The following PCDHGA3 variants were observed in gnomAD, a reference collection of about 807,000 sequenced individuals.
The protein encoded by PCDHGA3 is protocadherin gamma-A3.
In PCDHGA3, 40 loss-of-function variants were observed where a neutral mutation model predicts 58.5. That is an observed-to-expected ratio of 0.68 (90% CI 0.53 to 0.89). PCDHGA3 has a LOEUF of 0.89. PCDHGA3 is among the 40% of genes least tolerant of loss of function. PCDHGA3 has a pLI of 0.00. For missense variants in PCDHGA3, 1,223 were observed against 1,195.9 expected, an observed-to-expected ratio of 1.02 and a Z score of -0.33; for synonymous variants, 530 against 525.7, an observed-to-expected ratio of 1.01 and a Z score of -0.11.
Position 141,346,398 on chromosome 5 carries a change from G to T in PCDHGA3, c.2365G>T (p.Glu789Ter). 1 of 1,614,242 alleles carries T rather than the reference G, an allele frequency of 6.2e-7. No individual in the cohort carries two copies. Among genetic ancestry groups the T allele is most frequent in the Non-Finnish European group, 8.5e-7 (1 of 1,180,046 alleles). Residue 789 changes from glutamate to a stop codon, truncating the protein, a stop_gained, in exon 1 of 4, where the codon GAG (glutamate) becomes TAG (stop). Coordinates refer to ENST00000253812, the MANE Select transcript of PCDHGA3 (RefSeq NM_018916.4). LOFTEE classifies it high-confidence loss of function. ...CAGCCAGGAGAGCTGTGAGAAAAGCGAGCCTCTTCTGATAACTCAGGATTT... is the reference window on the plus strand; with the variant it reads ...CAGCCAGGAGAGCTGTGAGAAAAGCTAGCCTCTTCTGATAACTCAGGATTT... ...LISQESCEKS[E>*]PLLITQDLLE... is the part of the protein sequence containing the mutation.
Position 141,427,844 on chromosome 5 carries a change from C to A in PCDHGA3, c.2425-66963C>A, listed in dbSNP as rs997069058. 6.5e-6 allele frequency: 10 copies of A among 1,550,194 alleles called. No homozygotes were observed. In the East Asian group the frequency reaches 2.2e-4, roughly 35 times the overall value. On this transcript the variant is annotated intron_variant, in intron 1 of 3. Transcript: ENST00000253812. ...TGGTCGCGCAGCGTGCCTTCGACCA[C>A]GAGCAGCTGTGCGCCTTCGAGCTCA...
At chr5:141,466,794 T>C (rs1487051313) in intron 1 of PCDHGA3, among the ~76,000 whole-genome samples, 2 of 152,226 alleles carry the variant, frequency 1.3e-5, no homozygotes, top group Non-Finnish European at 2.9e-5. Context: ...TGCCTCAAAC[T>C]AGATCCTATT....
intron 1 of PCDHGA3, chr5:141,419,278 A>G: frequency 6.2e-7 from 1 of 1,614,038 alleles, no homozygotes; most frequent in Non-Finnish European, 8.5e-7. Context: ...CCATAGCGCA[A>G]GTCAGTGCCT....
chr5:141,405,032 G>T lies in PCDHGA3; in HGVS notation c.2424+58575G>T, dbSNP rs747720731. On this transcript the variant is annotated intron_variant, in intron 1 of 3. Coordinates refer to ENST00000253812, the MANE Select transcript of PCDHGA3 (RefSeq NM_018916.4). Reference sequence around the variant, plus strand: ...GGCCTCAGACCTTACCCTCTACCTCGTTGTGGCTGTGGCAGTCGTCTCCTG... The same window carrying T: ...GGCCTCAGACCTTACCCTCTACCTCTTTGTGGCTGTGGCAGTCGTCTCCTG... The T allele has an allele frequency of 1.9e-6, 3 of 1,613,806 alleles. No homozygotes were observed. Among genetic ancestry groups the T allele is most frequent in the Admixed American group, 3.3e-5 (2 of 59,992 alleles).
intron 1 of PCDHGA3, chr5:141,404,260 T>G: frequency 6.2e-7 from 1 of 1,613,910 alleles, no homozygotes; most frequent in Non-Finnish European, 8.5e-7. Context: ...CCACAGAAAT[T>G]CACATCACCC....
intron 1 of PCDHGA3, chr5:141,389,189 C>CATCA: frequency 6.2e-7 from 1 of 1,614,032 alleles, no homozygotes; most frequent in Non-Finnish European, 8.5e-7. Context: ...CCAGTTCCAG[C>CATCA]ATCACCCTGC....
At chr5:141,369,970 G>T (rs1204473207) in intron 1 of PCDHGA3, among the ~76,000 whole-genome samples, 5 of 152,088 alleles carry the variant, frequency 3.3e-5, no homozygotes, top group Non-Finnish European at 7.4e-5. Context: ...ACAAGTAAAA[G>T]GTACTTGATT....
intron 1 of PCDHGA3, chr5:141,411,189 T>G (rs1222862554): frequency 6.6e-6 from 1 of 152,208 alleles, no homozygotes; most frequent in Non-Finnish European, 1.5e-5. Context: ...TCTTGGCATC[T>G]AAGAAAACAA....
intron 1 of PCDHGA3, chr5:141,361,736 C>T (rs1267225660): frequency 6.2e-7 from 1 of 1,613,182 alleles, no homozygotes; most frequent in Non-Finnish European, 8.5e-7. Flanking sequence ...ACACTGCAGG[C>T]CCGCGACCAG....
At position 141,344,297 on chromosome 5, in the gene PCDHGA3, G is replaced by C; in HGVS notation, c.264G>C (p.Glu88Asp). Residue 88 changes from glutamate to aspartate, a missense_variant, in exon 1 of 4, where the codon GAG becomes GAC. By Grantham distance (45) the Glu-to-Asp change is conservative. Around this residue, in one of 3 missense-constraint regions of PCDHGA3, gnomAD observed 791 missense variants for 708.5 expected, o/e 1.12. Coordinates refer to ENST00000253812, the MANE Select transcript of PCDHGA3 (RefSeq NM_018916.4). ...NPQSGSLVTA[E>D]RIDREELCAQ... ...AAAGCGGCAGCTTGGTCACCGCGGA[G>C]AGGATAGACCGGGAGGAGCTCTGCG... 5.0e-6 allele frequency: 8 copies of C among 1,614,124 alleles called. No homozygotes were observed. Among genetic ancestry groups the C allele is most frequent in the Non-Finnish European group, 5.9e-6 (7 of 1,179,948 alleles).
intron 1 of PCDHGA3, chr5:141,387,914 G>A (rs1379719736): frequency 1.5e-5 from 22 of 1,487,626 alleles, no homozygotes; most frequent in Non-Finnish European, 1.8e-5. Context: ...AGCTGGGCCG[G>A]GCTGAGAGGC....
Position 141,422,132 on chromosome 5 carries a change from T to C in PCDHGA3, c.2425-72675T>C, listed in dbSNP as rs768931697. ...CAATTGGATTCACAAACTGGAGAAG[T>C]TCAAGTACGGGGGTCTCTGGATTTT... On this transcript the variant is annotated intron_variant, in intron 1 of 3. Coordinates refer to ENST00000253812, the MANE Select transcript of PCDHGA3 (RefSeq NM_018916.4). The C allele has an allele frequency of 1.2e-5, 19 of 1,598,396 alleles. No individual in the cohort carries two copies. In the South Asian group the frequency reaches 2.0e-4, roughly 17 times the overall value.
chr5:141,375,114 T>G, intron 1 of PCDHGA3: 1 of 1,613,970 alleles, frequency 6.2e-7, no homozygotes, highest in African/African-American at 1.3e-5. Context: ...AATGATAATG[T>G]ACCAGAAGTG....
At chr5:141,421,352 A>T in intron 1 of PCDHGA3, 1 of 1,613,946 alleles carries the variant, frequency 6.2e-7, no homozygotes, top group Non-Finnish European at 8.5e-7. Context: ...GAGACCGAAA[A>T]GGGCTCCTTC....
At chr5:141,364,902 A>T (rs781602444) in intron 1 of PCDHGA3, 8 of 1,614,032 alleles carry the variant, frequency 5.0e-6, no homozygotes, top group Non-Finnish European at 6.8e-6. Flanking sequence ...GGACAAAAGT[A>T]TCCGGAGCTG....
chr5:141,460,833 T>G (rs541553903), intron 1 of PCDHGA3, among the ~76,000 whole-genome samples: 2 of 151,928 alleles, frequency 1.3e-5, no homozygotes, highest in African/African-American at 4.8e-5. Flanking sequence ...ACACTTAAAG[T>G]AATGGCCTCC....
Position 141,414,954 on chromosome 5 carries a change from C to T in PCDHGA3, c.2424+68497C>T, listed in dbSNP as rs759955017. ...CCGCAGAGCCCGGCTACCTGGTGAC[C>T]AAGGTGGTGGCGGTGGACAGAGACT... On this transcript the variant is annotated intron_variant, in intron 1 of 3. Coordinates refer to ENST00000253812, the MANE Select transcript of PCDHGA3 (RefSeq NM_018916.4). 10 of 1,614,058 alleles carry T rather than the reference C, an allele frequency of 6.2e-6. No individual in the cohort carries two copies. The Admixed American group carries it at 1.7e-4, about 27-fold the overall frequency.
intron 1 of PCDHGA3, among the ~76,000 whole-genome samples, chr5:141,481,695 T>A (rs2099542216): frequency 1.3e-5 from 2 of 152,122 alleles, no homozygotes; most frequent in Non-Finnish European, 2.9e-5. Context: ...GGCTCACGCC[T>A]GTAATCCCAG....
rs2090286148 is a variant in PCDHGA3 at position 141,385,565 on chromosome 5, C to T, written c.2424+39108C>T. ...GGACTATCACATTTTATAATTTCCA[C>T]CTACTTTCCAATCTATGTTCCAACC... On this transcript the variant is annotated intron_variant, in intron 1 of 3. Transcript: ENST00000253812. 2.3e-6 allele frequency: 3 copies of T among 1,302,312 alleles called. No homozygotes were observed. In the African/African-American group the frequency reaches 4.6e-5, roughly 20 times the overall value. 80.7% of individuals were successfully genotyped at this position (1,302,312 alleles called of 1,614,324 possible). A position where few individuals can be genotyped will look rare whatever the true frequency, so the allele number is the denominator to read the frequency against.
Sources: gnomAD v4.1 joint callset for allele counts (sites outside exome capture counted in the v4.1 genomes callset) on GRCh38, gnomAD v4.1.1 for gene constraint, gnomAD v4.1.1 regional missense constraint, MANE v1.5 for transcripts, NCBI Gene and HGNC (gene_info 2026-07-23, HGNC 2026-07-21) for gene names.